The following ATP10B variants were observed in gnomAD, a reference collection of about 807,000 sequenced individuals.
The protein encoded by ATP10B is ATPase phospholipid transporting 10B (putative), also known as phospholipid-transporting ATPase VB.
A neutral mutation model predicts 141.2 loss-of-function variants in ATP10B; 122 were observed. That is an observed-to-expected ratio of 0.86 (90% CI 0.75 to 1.00). The LOEUF is 1.00. Ranked by LOEUF, ATP10B falls within the 50% of genes least tolerant of loss-of-function variation. The pLI is 0.00. For missense variants in ATP10B, 1,876 were observed against 1,825.3 expected (o/e 1.03, Z -0.51); for synonymous variants, 685 against 692.0 (o/e 0.99, Z 0.16).
the ATP10B span, among the ~76,000 whole-genome samples, chr5:160,906,351 C>T: frequency 6.6e-6 from 1 of 152,054 alleles, no homozygotes; most frequent in Non-Finnish European, 1.5e-5. Context: ...CCAGTTCACT[C>T]TCCATACCCT....
At chr5:160,569,803 C>A in intron 24 of ATP10B, 120 bp from the exon 25 acceptor site, 5 of 799,234 alleles carry the variant, frequency 6.3e-6, no homozygotes, top group African/African-American at 1.8e-5. Context: ...ACACAAAATT[C>A]AAAAAAGTGT....
At chr5:160,918,725 C>A in the ATP10B span, among the ~76,000 whole-genome samples, 3 of 152,294 alleles carry the variant, frequency 2.0e-5, no homozygotes, top group Admixed American at 2.0e-4. Context: ...AGGTCTGTAA[C>A]ATCTCAGAAT....
chr5:160,606,744 G>A (rs766917904), intron 19 of ATP10B, 21 bp downstream of exon 19: 10 of 1,599,722 alleles, frequency 6.3e-6, no homozygotes, highest in East Asian at 4.5e-5. Flanking sequence ...AGTGCCACCC[G>A]CATCTCAGTA....
intron 13 of ATP10B, among the ~76,000 whole-genome samples, chr5:160,628,203 GAA>G (rs1197802685): frequency 6.6e-6 from 1 of 152,176 alleles, no homozygotes. Context: ...TAAGCCCAAA[GAA>G]AAAAACTCAG....
chr5:160,663,231 C>G (rs994523877), intron 7 of ATP10B, among the ~76,000 whole-genome samples: 4 of 152,180 alleles, frequency 2.6e-5, no homozygotes, highest in East Asian at 1.9e-4. Flanking sequence ...GTCAGTGTGG[C>G]AATTCCTCAG....
chr5:160,778,071 A>G (rs898523760), intron 2 of ATP10B, among the ~76,000 whole-genome samples: 9 of 152,234 alleles, frequency 5.9e-5, no homozygotes, highest in Non-Finnish European at 7.3e-5. Flanking sequence ...AGGGGAGAAA[A>G]GTAGAGGGGC....
At chr5:160,728,830 A>AACACAT (rs1174767901) in intron 2 of ATP10B, among the ~76,000 whole-genome samples, 1 of 151,686 alleles carries the variant, frequency 6.6e-6, no homozygotes, top group Non-Finnish European at 1.5e-5. Flanking sequence ...TGTTGTTTTC[A>AACACAT]TCTCTTTTTG....
At chr5:160,640,377 C>T (rs947079100) in intron 10 of ATP10B, 84 bp downstream of exon 10, 6 of 1,493,952 alleles carry the variant, frequency 4.0e-6, no homozygotes, top group East Asian at 4.6e-5. Context: ...TTTTATTAGC[C>T]CTACTTTATA....
the ATP10B span, among the ~76,000 whole-genome samples, chr5:160,864,216 A>G: frequency 5.9e-3 from 893 of 152,068 alleles, 12 homozygotes; most frequent in African/African-American, 0.02. Flanking sequence ...ACCAAATCCA[A>G]CAGCATATTA....
At position 160,729,417 on chromosome 5, in the gene ATP10B, C is replaced by T. The variant is rs569078190; in HGVS notation, c.-330-12383G>A. On this transcript the variant is annotated intron_variant, in intron 2 of 25. Transcript: ENST00000327245. ...TGTTCCACCTTTGTGTCAGCTGCTG[C>T]GCTAGCTAACAAGGATTACAAAGAT... is the stretch of plus-strand genomic sequence containing the variant. Among the ~76,000 whole-genome samples, 22 of 152,188 alleles carry T rather than the reference C, an allele frequency of 1.4e-4. No homozygotes were observed. The South Asian group carries it at 2.1e-3, about 14-fold the overall frequency.
intron 24 of ATP10B, among the ~76,000 whole-genome samples, chr5:160,579,480 T>A (rs966193515): frequency 6.6e-6 from 1 of 152,186 alleles, no homozygotes; most frequent in Non-Finnish European, 1.5e-5. Flanking sequence ...TGGTTGTAGA[T>A]GTGTGATGTG....
the ATP10B span, among the ~76,000 whole-genome samples, chr5:160,874,288 C>A: frequency 6.6e-6 from 1 of 151,864 alleles, no homozygotes; most frequent in African/African-American, 2.4e-5. Context: ...ACACCTCACA[C>A]GGCAGGGTAT....
intron 1 of ATP10B, among the ~76,000 whole-genome samples, chr5:160,829,300 G>A (rs72820523): frequency 0.11 from 17,027 of 151,960 alleles, 1,172 homozygotes; most frequent in East Asian, 0.18. Flanking sequence ...TTTCTGTTCT[G>A]TTTGATGGAG....
chr5:160,836,157 T>G (rs917644505), intron 1 of ATP10B, among the ~76,000 whole-genome samples: 2 of 152,076 alleles, frequency 1.3e-5, no homozygotes, highest in African/African-American at 2.4e-5. Flanking sequence ...ACAATGTATA[T>G]TATTTGGATA....
intron 7 of ATP10B, among the ~76,000 whole-genome samples, chr5:160,653,076 A>AAT (rs1761013457): frequency 3.4e-5 from 4 of 119,102 alleles, no homozygotes; most frequent in South Asian, 2.4e-4. Context: ...ATGTATATAT[A>AAT]GTGTATATAT....
At chr5:160,744,917 G>A (rs1185927326) in intron 2 of ATP10B, among the ~76,000 whole-genome samples, 1 of 152,228 alleles carries the variant, frequency 6.6e-6, no homozygotes, top group Non-Finnish European at 1.5e-5. Context: ...CCCCTGTGGT[G>A]TACCAGGGTG....
chr5:160,806,273 T>C lies in ATP10B; in HGVS notation c.-575-20470A>G, dbSNP rs183938564. Among the ~76,000 whole-genome samples, 28 of 152,308 alleles carry C rather than the reference T, an allele frequency of 1.8e-4. No individual in the cohort carries two copies. In the East Asian group the frequency reaches 4.0e-3, roughly 22 times the overall value. On this transcript the variant is annotated intron_variant, in intron 1 of 25. Transcript: ENST00000327245. ...AATTAACCATCACAGAGGGATTCCA[T>C]GTAAAGAGAGTTGCCAGTCCAATTA...
intron 7 of ATP10B, among the ~76,000 whole-genome samples, chr5:160,650,118 T>TTATATATATATATATATATA (rs147437606): frequency 1.2e-4 from 18 of 145,972 alleles, no homozygotes; most frequent in African/African-American, 4.7e-4. Flanking sequence ...AAAAAAAATT[T>TTATATATATATATATATATA]TATATATATA....
intron 8 of ATP10B, among the ~76,000 whole-genome samples, chr5:160,647,507 G>A (rs543541010): frequency 7.4e-4 from 113 of 152,328 alleles, no homozygotes; most frequent in Middle Eastern, 6.8e-3. Context: ...AGCTGGGAGA[G>A]TTCTGTCCTG....
Sources: gnomAD v4.1 joint callset for allele counts (sites outside exome capture counted in the v4.1 genomes callset) on GRCh38, gnomAD v4.1.1 for gene constraint, MANE v1.5 for transcripts, NCBI Gene and HGNC (gene_info 2026-07-23, HGNC 2026-07-21) for gene names.